Variants in REG4 observed in about 807,000 individuals in gnomAD.
REG4 encodes regenerating islet-derived protein 4.
REG4 carries 16 observed loss-of-function variants against 22.3 expected under a neutral mutation model. The ratio of observed to expected loss-of-function variants is 0.72; its 90% CI spans 0.49 to 1.09. The LOEUF (loss-of-function observed/expected upper bound fraction) is 1.09. REG4 is among the 50% of genes least tolerant of loss of function. The pLI is 0.00. For missense variants in REG4, 214 were observed against 193.9 expected (o/e 1.10, Z -0.61); for synonymous variants, 71 against 69.2 (o/e 1.03, Z -0.13).
Position 119,804,252 on chromosome 1 carries a change from C to T in REG4, c.68-1087G>A, listed in dbSNP as rs141136288. On this transcript the variant is annotated intron_variant, in intron 2 of 5. Coordinates refer to ENST00000256585, the MANE Select transcript of REG4 (RefSeq NM_032044.4). ...CTCCTCATTCAAATGATACTACTGT[C>T]GCTTGTTTGCCCCACTCTTCTGTTT... Among the ~76,000 whole-genome samples, 413 of 152,326 alleles carry T rather than the reference C, an allele frequency of 2.7e-3. 2 individuals carry two copies. Among genetic ancestry groups the T allele is most frequent in the Admixed American group, 8.1e-3 (124 of 15,308 alleles).
At position 119,794,686 on chromosome 1, in the gene REG4, C is replaced by A; in HGVS notation, c.410-1G>T. 1 of 1,613,792 alleles carries A rather than the reference C, an allele frequency of 6.2e-7. No individual in the cohort carries two copies. Among genetic ancestry groups the A allele is most frequent in the South Asian group, 1.1e-5 (1 of 91,074 alleles). ...TCGTTGCTGCTCCAAGTTAAAAAGT[C>A]TGTAAGAAAATAAACAGATATTTAA... On this transcript the variant is annotated splice_acceptor_variant, in intron 5 of 5. Coordinates refer to ENST00000256585, the MANE Select transcript of REG4 (RefSeq NM_032044.4). LOFTEE classifies it high-confidence loss of function.
intron 2 of REG4, among the ~76,000 whole-genome samples, 159 bp from the exon 3 acceptor site, chr1:119,803,324 G>T (rs1654183615): frequency 6.6e-6 from 1 of 152,178 alleles, no homozygotes; most frequent in Non-Finnish European, 1.5e-5. Context: ...CCCTTCTTCT[G>T]GCTTTTCCCA....
rs946587666 is a variant in REG4 at position 119,802,360 on chromosome 1, C to T, written c.165+708G>A. ...AGTAGCTGGCATGTGGTAGGTGCTT[C>T]GTTCTTGTTTTTTTGTTTGTTTGTT... On this transcript the variant is annotated intron_variant, in intron 3 of 5. Transcript: ENST00000256585. 39 of 986,050 alleles carry T rather than the reference C, an allele frequency of 4.0e-5. No homozygotes were observed. In the Admixed American group the frequency reaches 7.4e-4, roughly 19 times the overall value. 61.1% of individuals were successfully genotyped at this position (986,050 alleles called of 1,614,324 possible). A position where few individuals can be genotyped will look rare whatever the true frequency, so the allele number is the denominator to read the frequency against.
intron 3 of REG4, among the ~76,000 whole-genome samples, chr1:119,800,273 T>C (rs957562143): frequency 1.3e-5 from 2 of 152,232 alleles, no homozygotes; most frequent in African/African-American, 4.8e-5. Flanking sequence ...AAACTGCTGA[T>C]TGTAAAATGT....
intron 2 of REG4, among the ~76,000 whole-genome samples, chr1:119,805,435 T>A (rs1009053552): frequency 1.3e-5 from 2 of 152,174 alleles, no homozygotes; most frequent in African/African-American, 2.4e-5. Flanking sequence ...CTGAAGCAAC[T>A]GTCCTTGGCC....
At chr1:119,806,047 T>C (rs1343969615) in intron 2 of REG4, among the ~76,000 whole-genome samples, 4 of 152,254 alleles carry the variant, frequency 2.6e-5, no homozygotes, top group African/African-American at 9.6e-5. Context: ...TCCTCCCACC[T>C]CAGCCTCCTG....
chr1:119,798,703 A>G, intron 4 of REG4, 101 bp from the exon 5 acceptor site: 2 of 790,876 alleles, frequency 2.5e-6, no homozygotes, highest in Non-Finnish European at 4.3e-6. Flanking sequence ...TTCATTGCAA[A>G]CATTGGGAAA....
intron 2 of REG4, among the ~76,000 whole-genome samples, chr1:119,806,369 G>A (rs1019829246): frequency 6.6e-6 from 1 of 152,184 alleles, no homozygotes; most frequent in Non-Finnish European, 1.5e-5. Context: ...AACAAAGGCA[G>A]AAAGAAGACA....
Position 119,811,420 on chromosome 1 carries a change from C to A in REG4, c.-106G>T, listed in dbSNP as rs1317864001. The A allele has an allele frequency of 6.9e-6, 1 of 145,282 alleles. No homozygotes were observed. Among genetic ancestry groups the A allele is most frequent in the Non-Finnish European group, 1.5e-5 (1 of 66,860 alleles). The allele number at this position is 145,282 out of a possible 1,614,324, so 9.0% of individuals were successfully genotyped here. A position where few individuals can be genotyped will look rare whatever the true frequency, so the allele number is the denominator to read the frequency against. ...GCGAGGAGGATTACCTGTTTGGCAA[C>A]CAAGACTCTAAGGGCCCCTGCCTTC... On this transcript the variant is annotated 5_prime_UTR_variant, in exon 1 of 6. Transcript: ENST00000256585.
intron 5 of REG4, 82 bp from the exon 6 acceptor site, chr1:119,794,767 G>T: frequency 8.5e-7 from 1 of 1,171,096 alleles, no homozygotes; most frequent in Non-Finnish European, 1.3e-6. Flanking sequence ...TTTCTTGGAA[G>T]CATAGATAAG....
In REG4 at chr1:119,794,635, A is replaced by C; in HGVS notation, c.460T>G (p.Cys154Gly). Residue 154 changes from cysteine to glycine, a missense_variant, in exon 6 of 6, where the codon TGC becomes GGC. Transcript: ENST00000256585. ...TTCTTGCTCTATGGTCGGTACTTGC[A>C]CAGGAAGTGTTGGCGCTTGTTGCAT... ...NECNKRQHFLCKYRP is the reference protein window; with the variant it reads ...NECNKRQHFLGKYRP The C allele has an allele frequency of 6.2e-7, 1 of 1,614,194 alleles. No homozygotes were observed. The highest frequency in any genetic ancestry group is 1.6e-4 in the Middle Eastern group (1 of 6,062).
intron 2 of REG4, among the ~76,000 whole-genome samples, chr1:119,803,502 G>GGTCCAGTGA (rs1480544470): frequency 2.0e-5 from 3 of 152,110 alleles, no homozygotes; most frequent in Non-Finnish European, 4.4e-5. Flanking sequence ...CCTCACAGTG[G>GGTCCAGTGA]GTCCAGTGAG....
At chr1:119,798,240 AT>A (rs1474253801) in intron 5 of REG4, among the ~76,000 whole-genome samples, 4 of 152,362 alleles carry the variant, frequency 2.6e-5, no homozygotes, top group African/African-American at 9.6e-5. Context: ...CAGAAAAAAA[AT>A]GAATGGATTT....
intron 2 of REG4, among the ~76,000 whole-genome samples, chr1:119,808,202 T>C (rs376358158): frequency 6.6e-6 from 1 of 152,244 alleles, no homozygotes; most frequent in African/African-American, 2.4e-5. Context: ...CTTTCTCTAT[T>C]GGTGGATTCT....
intron 2 of REG4, among the ~76,000 whole-genome samples, chr1:119,804,385 T>A (rs1253270073): frequency 6.6e-6 from 1 of 152,180 alleles, no homozygotes; most frequent in African/African-American, 2.4e-5. Flanking sequence ...TATGCCCCTA[T>A]CCAGCCACAT....
At chr1:119,794,714 C>G in intron 5 of REG4, 29 bp from the exon 6 acceptor site, 1 of 1,595,394 alleles carries the variant, frequency 6.3e-7, no homozygotes, top group Non-Finnish European at 8.6e-7. Flanking sequence ...ATATTTAAAT[C>G]CATTCAGTAC....
intron 1 of REG4, among the ~76,000 whole-genome samples, chr1:119,810,826 G>T (rs587618174): frequency 6.6e-6 from 1 of 152,312 alleles, no homozygotes; most frequent in East Asian, 1.9e-4. Flanking sequence ...GCTGAGGCAG[G>T]TGGATCACCT....
intron 4 of REG4, among the ~76,000 whole-genome samples, chr1:119,799,041 A>G (rs1408482909): frequency 6.6e-6 from 1 of 152,222 alleles, no homozygotes; most frequent in Non-Finnish European, 1.5e-5. Flanking sequence ...ACACATACAT[A>G]TTCGTGAAAG....
At position 119,799,764 on chromosome 1, in the gene REG4, T is replaced by C; in HGVS notation, c.264A>G (p.Arg88=). ...GCAGGCCAATCCATATCGGCTGGCTTCTCTGATAGCCACTTATGTACTCTG... is the reference window on the plus strand; with the variant it reads ...GCAGGCCAATCCATATCGGCTGGCTCCTCTGATAGCCACTTATGTACTCTG... The part of the protein sequence containing the change: ...TIAEYISGYQ[R]SQPIWIGLHD... The change falls in exon 4 of 6, where the codon AGA becomes AGG. Residue 88 remains arginine (R), a synonymous_variant. Coordinates refer to ENST00000256585, the MANE Select transcript of REG4 (RefSeq NM_032044.4). 1 of 1,614,126 alleles carries C rather than the reference T, an allele frequency of 6.2e-7. No individual in the cohort carries two copies. The highest frequency in any genetic ancestry group is 8.5e-7 in the Non-Finnish European group (1 of 1,180,030).
Sources: allele counts gnomAD v4.1 joint callset (sites outside exome capture counted in the v4.1 genomes callset), GRCh38; gene constraint gnomAD v4.1.1; transcripts MANE v1.5; gene names NCBI Gene and HGNC (gene_info 2026-07-23, HGNC 2026-07-21).